Variants in SGMS1 observed in about 807,000 individuals in gnomAD.
The protein encoded by SGMS1 is sphingomyelin synthase 1.
SGMS1 carries 13 observed loss-of-function variants against 46.2 expected under a neutral mutation model. The observed-to-expected ratio is 0.28, with a 90% CI of 0.18 to 0.45. The LOEUF (loss-of-function observed/expected upper bound fraction) is 0.45. SGMS1 is among the 20% of genes least tolerant of loss of function. The probability of loss-of-function intolerance (pLI) is 1.00; values close to 1 mark genes in which losing one functional copy is unlikely to be tolerated. For synonymous variants in SGMS1, 203 were observed against 187.8 expected (o/e 1.08, Z -0.66); for missense variants, 324 against 519.9 (o/e 0.62, Z 3.66).
chr10:50,358,149 T>A (rs1421946030), intron 6 of SGMS1, among the ~76,000 whole-genome samples: 3 of 152,010 alleles, frequency 2.0e-5, no homozygotes, highest in Non-Finnish European at 4.4e-5. Flanking sequence ...TAAATACATT[T>A]AATAATAAAA....
At chr10:50,527,242 GC>G (rs1316403645) in intron 2 of SGMS1, among the ~76,000 whole-genome samples, 1 of 152,106 alleles carries the variant, frequency 6.6e-6, no homozygotes, top group African/African-American at 2.4e-5. Context: ...AAATGGTGCA[GC>G]CCATAGCATT....
chr10:50,505,808 C>T (rs1460941970), intron 3 of SGMS1, among the ~76,000 whole-genome samples: 1 of 152,156 alleles, frequency 6.6e-6, no homozygotes, highest in Non-Finnish European at 1.5e-5. Flanking sequence ...CCTAACAGGG[C>T]CATCTGAGCA....
At chr10:50,523,204 C>T (rs1837871497) in intron 2 of SGMS1, among the ~76,000 whole-genome samples, 1 of 152,174 alleles carries the variant, frequency 6.6e-6, no homozygotes, top group Non-Finnish European at 1.5e-5. Flanking sequence ...GACCAGCACC[C>T]ATTACTTCTC....
intron 2 of SGMS1, among the ~76,000 whole-genome samples, chr10:50,549,986 G>A (rs1838134827): frequency 6.6e-6 from 1 of 152,140 alleles, no homozygotes; most frequent in East Asian, 1.9e-4. Context: ...AGATAAAGCA[G>A]AAAGTTCAAC....
At chr10:50,353,528 C>G (rs1403784494) in intron 6 of SGMS1, among the ~76,000 whole-genome samples, 2 of 152,294 alleles carry the variant, frequency 1.3e-5, no homozygotes, top group African/African-American at 4.8e-5. Flanking sequence ...AAAACTGGCA[C>G]AAGACAGGGA....
chr10:50,361,164 C>A (rs898614512), intron 6 of SGMS1, among the ~76,000 whole-genome samples: 12 of 152,116 alleles, frequency 7.9e-5, no homozygotes, highest in African/African-American at 2.9e-4. Context: ...AAGTTCTGAT[C>A]CTTCTTTTCC....
chr10:50,505,960 G>C (rs1239695293), intron 3 of SGMS1, among the ~76,000 whole-genome samples: 1 of 152,170 alleles, frequency 6.6e-6, no homozygotes, highest in African/African-American at 2.4e-5. Flanking sequence ...CATGGCACCA[G>C]CCTTCTCCCA....
At chr10:50,457,488 T>C (rs1837206841) in intron 5 of SGMS1, among the ~76,000 whole-genome samples, 1 of 152,168 alleles carries the variant, frequency 6.6e-6, no homozygotes, top group African/African-American at 2.4e-5. Flanking sequence ...AGGTTGTGTG[T>C]TGCTGAGGCT....
At chr10:50,559,206 C>A (rs1309940998) in intron 2 of SGMS1, among the ~76,000 whole-genome samples, 1 of 152,156 alleles carries the variant, frequency 6.6e-6, no homozygotes, top group Non-Finnish European at 1.5e-5. Context: ...CACAAGCCCC[C>A]CAAAATGTAA....
At chr10:50,480,142 A>T (rs1201243271) in intron 3 of SGMS1, among the ~76,000 whole-genome samples, 1 of 152,166 alleles carries the variant, frequency 6.6e-6, no homozygotes, top group African/African-American at 2.4e-5. Context: ...AACATAACTC[A>T]TGCAGTGAGT....
In SGMS1 at chr10:50,587,629, A is replaced by ATGTG. The variant is rs1360715847; in HGVS notation, c.-589+2523_-589+2524insCACA. Among the ~76,000 whole-genome samples, 14 of 79,012 alleles carry ATGTG rather than the reference A, an allele frequency of 1.8e-4. 1 individual carries two copies. The South Asian group carries it at 5.5e-3, about 31-fold the overall frequency. 51.8% of individuals were successfully genotyped at this position (79,012 alleles called of 152,430 possible). A position where few individuals can be genotyped will look rare whatever the true frequency, so the allele number is the denominator to read the frequency against. On this transcript the variant is annotated intron_variant, in intron 2 of 10. Transcript: ENST00000361781. Reference sequence around the variant, plus strand: ...ACAGAGCAAGACTGCATCTCAAAATATATATGTGTGTGTGTGTGTGTGTGT... The same window carrying ATGTG: ...ACAGAGCAAGACTGCATCTCAAAATATGTGTATATGTGTGTGTGTGTGTGTGTGT...
intron 5 of SGMS1, chr10:50,459,992 A>T (rs1341686536): frequency 6.6e-6 from 1 of 152,188 alleles, no homozygotes; most frequent in African/African-American, 2.4e-5. Context: ...AGACTACAAA[A>T]ATCCTAAAGG....
At position 50,307,333 on chromosome 10, in the gene SGMS1, A is replaced by G. The variant is rs1362186031; in HGVS notation, c.1063-12T>C. On this transcript the variant is annotated splice_polypyrimidine_tract_variant and intron_variant, in intron 10 of 10. Coordinates refer to ENST00000361781, the MANE Select transcript of SGMS1 (RefSeq NM_147156.4). The surrounding 1 kb of genome is among the most constrained non-coding windows in gnomAD (Gnocchi z 4.2). ...GCTTCCTTTAGCACCTAGGATAACA[A>G]AGAAACATAAACACATTTCTTACAA... 1.9e-6 allele frequency: 3 copies of G among 1,605,726 alleles called. No homozygotes were observed. Among genetic ancestry groups the G allele is most frequent in the Non-Finnish European group, 8.5e-7 (1 of 1,176,132 alleles).
At chr10:50,479,488 T>C (rs1837457221) in intron 3 of SGMS1, among the ~76,000 whole-genome samples, 1 of 152,170 alleles carries the variant, frequency 6.6e-6, no homozygotes, top group South Asian at 2.1e-4. Flanking sequence ...AGATTAACTG[T>C]CGAGTTAACA....
intron 3 of SGMS1, among the ~76,000 whole-genome samples, chr10:50,511,887 G>A (rs1188575742): frequency 6.6e-6 from 1 of 152,140 alleles, no homozygotes; most frequent in Non-Finnish European, 1.5e-5. Context: ...AATCTCTAAT[G>A]CTATTTGTCC....
chr10:50,318,074 A>G (rs192786731), intron 8 of SGMS1, among the ~76,000 whole-genome samples: 150 of 152,296 alleles, frequency 9.8e-4, no homozygotes, highest in African/African-American at 3.3e-3. Context: ...CCAAAGTGCT[A>G]GGATTACAGG....
At chr10:50,621,635 C>T (rs866658214) in intron 1 of SGMS1, among the ~76,000 whole-genome samples, 3 of 152,198 alleles carry the variant, frequency 2.0e-5, no homozygotes, top group African/African-American at 7.2e-5. Context: ...AACCGTGTCC[C>T]TCTGATGTCA....
In SGMS1 at chr10:50,308,102, G is replaced by C; in HGVS notation, c.942C>G (p.Leu314=). Residue 314 remains leucine (L), a synonymous_variant, in exon 10 of 11, where the codon CTC becomes CTG. Transcript: ENST00000361781. ...LWWYHWICWL[L]SVVGIFCILL... ...GAATACAGAAGATTCCAACTACGCT[G>C]AGAAGCCAGCAAATCCAGTGATACC... 6.2e-7 allele frequency: 1 copy of C among 1,613,976 alleles called. No individual in the cohort carries two copies. The highest frequency in any genetic ancestry group is 1.1e-5 in the South Asian group (1 of 91,064).
intron 3 of SGMS1, among the ~76,000 whole-genome samples, chr10:50,515,367 A>C (rs1837792065): frequency 6.6e-6 from 1 of 152,206 alleles, no homozygotes; most frequent in Non-Finnish European, 1.5e-5. Context: ...ATACGACCAG[A>C]ATCCAACTTC....
Sources: gnomAD v4.1 joint callset for allele counts (sites outside exome capture counted in the v4.1 genomes callset) on GRCh38, gnomAD v4.1.1 for gene constraint, Gnocchi (gnomAD v3.1) non-coding constraint, MANE v1.5 for transcripts, NCBI Gene and HGNC (gene_info 2026-07-23, HGNC 2026-07-21) for gene names.